FAM163A: variants seen among roughly 807,000 people sequenced by gnomAD.
FAM163A encodes the protein family with sequence similarity 163 member A.
Under a neutral mutation model 12.0 loss-of-function variants are expected in FAM163A, and 7 were observed. That is an observed-to-expected ratio of 0.58 (90% confidence interval 0.33 to 1.10). The LOEUF is 1.10. Among genes scored for constraint, FAM163A ranks in the 50% least tolerant of loss-of-function variants. The pLI is 0.03. For missense variants in FAM163A, 202 were observed against 218.6 expected (o/e 0.92, Z 0.48); for synonymous variants, 101 against 91.0 (o/e 1.11, Z -0.62).
intron 1 of FAM163A, among the ~76,000 whole-genome samples, chr1:179,803,157 C>T (rs1423809289): frequency 2.6e-5 from 4 of 152,152 alleles, no homozygotes; most frequent in African/African-American, 9.7e-5. Flanking sequence ...GGGAAAAAAA[C>T]TTCTTCTCTG....
chr1:179,813,760 C>T lies in FAM163A; in HGVS notation c.94-19C>T. 1.9e-6 allele frequency: 3 copies of T among 1,613,472 alleles called. No individual in the cohort carries two copies. The highest frequency in any genetic ancestry group is 2.5e-6 in the Non-Finnish European group (3 of 1,179,884). On this transcript the variant is annotated intron_variant, in intron 4 of 4. Transcript: ENST00000341785. ...GGGAGCATTCACCCTCTCAGGCATC[C>T]CTCTGCCCTTCCGCACAGTATTACT...
chr1:179,792,049 A>T (rs1314057790), intron 1 of FAM163A, among the ~76,000 whole-genome samples: 1 of 152,200 alleles, frequency 6.6e-6, no homozygotes, highest in Admixed American at 6.5e-5. Context: ...ACCAGGCTCC[A>T]AATCCTGACT....
intron 1 of FAM163A, among the ~76,000 whole-genome samples, chr1:179,791,916 G>A (rs927709578): frequency 1.3e-5 from 2 of 152,102 alleles, no homozygotes; most frequent in African/African-American, 4.8e-5. Context: ...TTTTCTCACT[G>A]CTAGCAGCGG....
At chr1:179,735,366 A>G in the FAM163A span, among the ~76,000 whole-genome samples, 1 of 152,198 alleles carries the variant, frequency 6.6e-6, no homozygotes, top group African/African-American at 2.4e-5. Flanking sequence ...TGAGCCTTGT[A>G]TTCAGTGTCA....
At chr1:179,737,696 G>A in the FAM163A span, among the ~76,000 whole-genome samples, 1 of 152,056 alleles carries the variant, frequency 6.6e-6, no homozygotes, top group Admixed American at 6.6e-5. Context: ...TTAGCTGGGC[G>A]TGGTGGCAGG....
the FAM163A span, among the ~76,000 whole-genome samples, chr1:179,735,534 CGTT>C: frequency 9.3e-6 from 1 of 107,682 alleles, no homozygotes; most frequent in African/African-American, 3.7e-5. Flanking sequence ...GACGGAGTCT[CGTT>C]GTGTCGCCCA....
intron 1 of FAM163A, among the ~76,000 whole-genome samples, chr1:179,769,521 C>T (rs1400726024): frequency 6.6e-6 from 1 of 152,202 alleles, no homozygotes; most frequent in Admixed American, 6.5e-5. Context: ...TCTTCAAGAA[C>T]TCAGCAGATT....
At chr1:179,813,314 G>A in intron 4 of FAM163A, 124 bp downstream of exon 4, 1 of 968,224 alleles carries the variant, frequency 1.0e-6, no homozygotes. Context: ...GAATGTAGCA[G>A]GCGTAAGTCA....
intron 1 of FAM163A, among the ~76,000 whole-genome samples, chr1:179,793,863 G>T (rs1489580237): frequency 6.6e-6 from 1 of 152,192 alleles, no homozygotes; most frequent in Admixed American, 6.5e-5. Context: ...GGCTGTTGCC[G>T]GCCCAGGGCT....
At chr1:179,740,678 G>T (rs1307420299), upstream of FAM163A, among the ~76,000 whole-genome samples, 1 of 152,130 alleles carries the variant, frequency 6.6e-6, no homozygotes. Flanking sequence ...ATCACAAAAT[G>T]TACCATTTTA....
intron 1 of FAM163A, among the ~76,000 whole-genome samples, chr1:179,748,451 C>T (rs923479025): frequency 6.6e-6 from 1 of 152,090 alleles, no homozygotes; most frequent in Non-Finnish European, 1.5e-5. Context: ...ACATAGTATA[C>T]AAGTAGTGGA....
chr1:179,730,941 C>A, the FAM163A span, among the ~76,000 whole-genome samples: 1 of 152,114 alleles, frequency 6.6e-6, no homozygotes. Flanking sequence ...AACGCTTTTT[C>A]TTTTAGGAAA....
At chr1:179,811,622 C>G (rs1046611309) in intron 2 of FAM163A, among the ~76,000 whole-genome samples, 1 of 152,196 alleles carries the variant, frequency 6.6e-6, no homozygotes, top group African/African-American at 2.4e-5. Context: ...CGGGCAGGTG[C>G]AGCCCTCTAA....
intron 1 of FAM163A, among the ~76,000 whole-genome samples, chr1:179,786,392 C>G (rs1690633693): frequency 6.6e-6 from 1 of 152,208 alleles, no homozygotes; most frequent in Admixed American, 6.5e-5. Context: ...GAGAAAGAGT[C>G]TTAGGGCCAG....
intron 1 of FAM163A, among the ~76,000 whole-genome samples, chr1:179,801,356 C>T (rs1369395100): frequency 6.6e-6 from 1 of 152,090 alleles, no homozygotes; most frequent in African/African-American, 2.4e-5. Flanking sequence ...TGACCACCAC[C>T]CCATACCCAC....
chr1:179,772,576 C>T (rs1019448503), intron 1 of FAM163A, among the ~76,000 whole-genome samples: 8 of 152,188 alleles, frequency 5.3e-5, no homozygotes, highest in African/African-American at 1.2e-4. Context: ...TGCATACTAA[C>T]GTTTGAGAAC....
chr1:179,762,545 A>C (rs34831485), intron 1 of FAM163A, among the ~76,000 whole-genome samples: 31,657 of 152,222 alleles, frequency 0.21, 3,591 homozygotes, highest in Non-Finnish European at 0.24. Flanking sequence ...GGAGGCCCAA[A>C]TGGCACAGCT....
At chr1:179,727,916 GAT>G in the FAM163A span, among the ~76,000 whole-genome samples, 1 of 151,820 alleles carries the variant, frequency 6.6e-6, no homozygotes, top group South Asian at 2.1e-4. Flanking sequence ...ACTATTAATA[GAT>G]TTGCCAACAT....
At chr1:179,813,279 AG>A (rs1694954655) in intron 4 of FAM163A, 89 bp downstream of exon 4, 13 of 1,235,266 alleles carry the variant, frequency 1.1e-5, no homozygotes, top group Non-Finnish European at 1.3e-5. Context: ...GGCCGACTTC[AG>A]GGCCCACAGA....
Sources: allele counts gnomAD v4.1 joint callset (sites outside exome capture counted in the v4.1 genomes callset), GRCh38; gene constraint gnomAD v4.1.1; transcripts MANE v1.5; gene names NCBI Gene and HGNC (gene_info 2026-07-23, HGNC 2026-07-21).